DHRSX: variants seen among roughly 807,000 people sequenced by gnomAD.
The protein encoded by DHRSX is polyprenol dehydrogenase.
DHRSX carries 31 observed loss-of-function variants against 34.0 expected under a neutral mutation model. The ratio of observed to expected loss-of-function variants is 0.91; its 90% CI spans 0.69 to 1.23. DHRSX has a LOEUF of 1.23. Ranked by LOEUF, DHRSX falls within the 50% of genes most tolerant of loss-of-function variation. DHRSX has a pLI of 0.00. For missense variants in DHRSX, 414 were observed against 428.1 expected (o/e 0.97, Z 0.29); for synonymous variants, 201 against 183.8 (o/e 1.09, Z -0.76).
At chrX:2,341,212 C>T (rs1330125315) in intron 3 of DHRSX, among the ~76,000 whole-genome samples, 1 of 152,100 alleles carries the variant, frequency 6.6e-6, no homozygotes, top group Non-Finnish European at 1.5e-5. Flanking sequence ...AATCACCGCA[C>T]ACGCTTGCAT....
At chrX:2,357,703 A>T (rs1307614978) in intron 3 of DHRSX, among the ~76,000 whole-genome samples, 1 of 83,674 alleles carries the variant, frequency 1.2e-5, no homozygotes, top group Non-Finnish European at 3.1e-5. Context: ...AGGAAATTAA[A>T]AAAAAAAAAA....
intron 6 of DHRSX, among the ~76,000 whole-genome samples, chrX:2,226,695 G>GGAAGCC (rs201376045): frequency 6.0e-5 from 9 of 150,998 alleles, no homozygotes; most frequent in African/African-American, 2.2e-4. Context: ...CAGCTACTCG[G>GGAAGCC]GAGGCAGGAG....
intron 5 of DHRSX, among the ~76,000 whole-genome samples, chrX:2,248,613 C>CAAAAAA (rs1357827255): frequency 0.02 from 356 of 17,498 alleles, 21 homozygotes; most frequent in African/African-American, 0.045. Flanking sequence ...GACTCTGTCT[C>CAAAAAA]AAAAAAAAAA....
At chrX:2,397,984 C>T (rs2043435685) in intron 3 of DHRSX, among the ~76,000 whole-genome samples, 1 of 151,726 alleles carries the variant, frequency 6.6e-6, no homozygotes, top group African/African-American at 2.4e-5. Flanking sequence ...GCTGATCTCA[C>T]ACACATAGAT....
At chrX:2,295,847 C>G (rs1017961218) in intron 3 of DHRSX, among the ~76,000 whole-genome samples, 6 of 152,086 alleles carry the variant, frequency 3.9e-5, no homozygotes, top group African/African-American at 1.2e-4. Context: ...GTGGCAATAC[C>G]GAAGCACAAA....
intron 1 of DHRSX, among the ~76,000 whole-genome samples, chrX:2,484,774 CA>C (rs1443087512): frequency 6.6e-6 from 1 of 152,094 alleles, no homozygotes; most frequent in African/African-American, 2.4e-5. Context: ...GCTGCCCAAG[CA>C]CATCTGAGAC....
intron 3 of DHRSX, among the ~76,000 whole-genome samples, chrX:2,336,089 C>G (rs1166970982): frequency 2.6e-5 from 4 of 151,856 alleles, no homozygotes; most frequent in Admixed American, 6.6e-5. Context: ...CTCACTGCAA[C>G]CTCCGCCTCT....
chrX:2,358,559 C>T (rs1386425205), intron 3 of DHRSX, among the ~76,000 whole-genome samples: 1 of 152,104 alleles, frequency 6.6e-6, no homozygotes, highest in Non-Finnish European at 1.5e-5. Flanking sequence ...ATTAGCCAGG[C>T]ATGGTGGCGG....
At chrX:2,235,551 C>T (rs112508610) in intron 6 of DHRSX, among the ~76,000 whole-genome samples, 4,108 of 150,876 alleles carry the variant, frequency 0.027, 192 homozygotes, top group African/African-American at 0.094. Flanking sequence ...AAGACCATCC[C>T]GGCCAACATG....
chrX:2,272,450 G>A (rs2041570329), intron 4 of DHRSX, among the ~76,000 whole-genome samples: 2 of 152,058 alleles, frequency 1.3e-5, no homozygotes, highest in African/African-American at 2.4e-5. Flanking sequence ...TAGAGTCTAC[G>A]CCCCTTCCCT....
chrX:2,431,885 A>AC (rs1390431092), intron 1 of DHRSX, among the ~76,000 whole-genome samples: 1 of 152,072 alleles, frequency 6.6e-6, no homozygotes, highest in Non-Finnish European at 1.5e-5. Context: ...CTGCACATGT[A>AC]CCCCCGAACC....
intron 3 of DHRSX, among the ~76,000 whole-genome samples, chrX:2,404,741 C>A (rs1574000): frequency 4.6e-5 from 7 of 152,024 alleles, no homozygotes; most frequent in African/African-American, 1.2e-4. Flanking sequence ...GAGCTCCCCC[C>A]GCCCCAGAAA....
chrX:2,427,061 C>T (rs2043859617), intron 1 of DHRSX, among the ~76,000 whole-genome samples: 1 of 152,212 alleles, frequency 6.6e-6, no homozygotes, highest in African/African-American at 2.4e-5. Context: ...TAATGCAGAA[C>T]TTTCCAGATC....
At chrX:2,344,322 C>T (rs1791629370) in intron 3 of DHRSX, among the ~76,000 whole-genome samples, 2 of 152,006 alleles carry the variant, frequency 1.3e-5, no homozygotes, top group African/African-American at 4.8e-5. Context: ...GTTAGAATGG[C>T]GATCACTAAA....
At position 2,311,314 on chromosome X, in the gene DHRSX, C is replaced by T. The variant is rs182096723; in HGVS notation, c.287-19711G>A. 3.3e-5 allele frequency among the ~76,000 whole-genome samples: 5 copies of T among 152,106 alleles called. No homozygotes were observed. The East Asian group carries it at 7.7e-4, about 24-fold the overall frequency. On this transcript the variant is annotated intron_variant, in intron 3 of 6. Transcript: ENST00000334651. ...TGGTGGGATAAATAAGTGGGTGACGCCTTTGTTTTCATTGTGTTTACTACG... is the reference window on the plus strand; with the variant it reads ...TGGTGGGATAAATAAGTGGGTGACGTCTTTGTTTTCATTGTGTTTACTACG...
intron 3 of DHRSX, among the ~76,000 whole-genome samples, chrX:2,327,125 C>T (rs998021035): frequency 2.0e-5 from 3 of 152,198 alleles, no homozygotes; most frequent in African/African-American, 7.2e-5. Flanking sequence ...ATTTCAGTTT[C>T]TATTAGCTTT....
At chrX:2,368,362 G>A (rs1394632613) in intron 3 of DHRSX, among the ~76,000 whole-genome samples, 2 of 151,906 alleles carry the variant, frequency 1.3e-5, no homozygotes, top group African/African-American at 2.4e-5. Context: ...TAACTAATTT[G>A]GCAAAACATT....
At chrX:2,242,672 A>T (rs1357444043) in intron 6 of DHRSX, among the ~76,000 whole-genome samples, 1 of 152,138 alleles carries the variant, frequency 6.6e-6, no homozygotes, top group African/African-American at 2.4e-5. Context: ...CGTGACGGCT[A>T]CATTCCCACC....
At chrX:2,402,384 G>A (rs1308533622) in intron 3 of DHRSX, among the ~76,000 whole-genome samples, 2 of 152,224 alleles carry the variant, frequency 1.3e-5, no homozygotes, top group South Asian at 2.1e-4. Flanking sequence ...TACGGGTTTG[G>A]TGGAGGTGTG....
Sources: gnomAD v4.1 joint callset for allele counts (sites outside exome capture counted in the v4.1 genomes callset) on GRCh38, gnomAD v4.1.1 for gene constraint, MANE v1.5 for transcripts, NCBI Gene and HGNC (gene_info 2026-07-23, HGNC 2026-07-21) for gene names.